Variants in EPB41L1 observed in about 807,000 individuals in gnomAD.
The protein encoded by EPB41L1 is band 4.1-like protein 1.
Under a neutral mutation model 97.8 loss-of-function variants are expected in EPB41L1, and 29 were observed. That is an observed-to-expected ratio of 0.30 (90% CI 0.22 to 0.40). The LOEUF (loss-of-function observed/expected upper bound fraction) is 0.40, where lower values mean the gene tolerates loss of function less well. Among genes scored for constraint, EPB41L1 ranks in the 10% least tolerant of loss-of-function variants. EPB41L1 has a pLI of 1.00. For synonymous variants in EPB41L1, 383 were observed against 459.2 expected, an observed-to-expected ratio of 0.83 and a Z score of 2.12; for missense variants, 812 against 1,162.3, an observed-to-expected ratio of 0.70 and a Z score of 4.38.
intron 2 of EPB41L1, among the ~76,000 whole-genome samples, chr20:36,121,001 C>A (rs957966682): frequency 6.6e-6 from 1 of 151,028 alleles, no homozygotes; most frequent in African/African-American, 2.4e-5. Context: ...TGGGTGTTCA[C>A]GCATGGGGGT....
In EPB41L1 at chr20:36,207,838, C is replaced by T. The variant is rs1484269775; in HGVS notation, c.1669-1650C>T. 1.7e-5 allele frequency: 21 copies of T among 1,244,102 alleles called. No homozygotes were observed. Among genetic ancestry groups the T allele is most frequent in the East Asian group, 5.7e-5 (1 of 17,654 alleles). 77.1% of individuals were successfully genotyped at this position (1,244,102 alleles called of 1,614,324 possible). A position where few individuals can be genotyped will look rare whatever the true frequency, so the allele number is the denominator to read the frequency against. ...CTGCTCCCCGCCCATGGGGGCTGGC[C>T]GCATGCTCTGTAGTTTTTAGAAGCA... On this transcript the variant is annotated intron_variant, in intron 14 of 21. Coordinates refer to ENST00000338074, the MANE Select transcript of EPB41L1 (RefSeq NM_012156.2). This position sits in a 1 kb window ranked among gnomAD's most constrained non-coding sequence, Gnocchi z 4.9.
chr20:36,124,924 G>T (rs1187798605), intron 2 of EPB41L1, among the ~76,000 whole-genome samples: 2 of 152,120 alleles, frequency 1.3e-5, no homozygotes, highest in East Asian at 1.9e-4. Flanking sequence ...TTGCATACAT[G>T]GTGGGTAGGG....
chr20:36,098,644 T>A (rs1457262692), intron 1 of EPB41L1, among the ~76,000 whole-genome samples: 1 of 152,222 alleles, frequency 6.6e-6, no homozygotes, highest in Admixed American at 6.5e-5. Context: ...ACTTGAGTAA[T>A]TGCATCTGCA....
chr20:36,210,194 G>A (rs1372003742), intron 15 of EPB41L1, among the ~76,000 whole-genome samples: 1 of 152,184 alleles, frequency 6.6e-6, no homozygotes, highest in Non-Finnish European at 1.5e-5. Flanking sequence ...GTGTTGCATG[G>A]CACCTGCAGA....
intron 1 of EPB41L1, among the ~76,000 whole-genome samples, chr20:36,108,845 A>G (rs2058288800): frequency 1.3e-5 from 2 of 152,162 alleles, no homozygotes; most frequent in South Asian, 2.1e-4. Context: ...TGGGAGGTCA[A>G]TGAAGGACAG....
At chr20:36,214,469 C>T in intron 17 of EPB41L1, 29 bp downstream of exon 17, 2 of 1,572,596 alleles carry the variant, frequency 1.3e-6, no homozygotes, top group South Asian at 2.2e-5. Flanking sequence ...GCTTCCCTCT[C>T]TGACCAGCCC....
chr20:36,209,112 G>A lies in EPB41L1; in HGVS notation c.1669-376G>A, dbSNP rs528497013. 6.6e-6 allele frequency among the ~76,000 whole-genome samples: 1 copy of A among 152,096 alleles called. No individual in the cohort carries two copies. The highest frequency in any genetic ancestry group is 1.5e-5 in the Non-Finnish European group (1 of 68,024). ...TCTGTTTCTCAACGCCCACCTGCAC[G>A]GATGGGCCTGGGGTCCGGGCTTCCA... On this transcript the variant is annotated intron_variant, in intron 14 of 21. Coordinates refer to ENST00000338074, the MANE Select transcript of EPB41L1 (RefSeq NM_012156.2). The surrounding 1 kb of genome is among the most constrained non-coding windows in gnomAD (Gnocchi z 4.2).
chr20:36,145,663 T>C (rs1274523974), intron 2 of EPB41L1, among the ~76,000 whole-genome samples: 1 of 152,208 alleles, frequency 6.6e-6, no homozygotes, highest in South Asian at 2.1e-4. Flanking sequence ...TCTGACACTA[T>C]CCACCATTGC....
intron 7 of EPB41L1, among the ~76,000 whole-genome samples, chr20:36,187,231 C>T (rs1023981332): frequency 2.0e-5 from 3 of 152,190 alleles, no homozygotes; most frequent in Non-Finnish European, 4.4e-5. Flanking sequence ...AGAATGTGCA[C>T]CTGTTCCTTA....
chr20:36,134,852 CT>C lies in EPB41L1; in HGVS notation c.-10+22397del, dbSNP rs764236552. 6.0e-3 allele frequency among the ~76,000 whole-genome samples: 642 copies of C among 107,638 alleles called. 3 individuals are homozygous for C. Among genetic ancestry groups the C allele is most frequent in the African/African-American group, 0.017 (477 of 27,696 alleles). The allele number at this position is 107,638 out of a possible 152,430, so 70.6% of individuals were successfully genotyped here. A position where few individuals can be genotyped will look rare whatever the true frequency, so the allele number is the denominator to read the frequency against. On this transcript the variant is annotated intron_variant, in intron 2 of 19. Coordinates refer to the EPB41L1 transcript ENST00000202028. ...GAACACTATTTTGTGTTTTCTCTGT[CT>C]TTTTTTTTTTTTTTTTTTTTTTTTG...
Position 36,230,264 on chromosome 20 carries a change from AT to A in EPB41L1, c.*925del, listed in dbSNP as rs2064432290. ...TGCAGCTTGTAGGAGGTTTGTACGG[AT>A]GTGCTTTGAAGTTATGTATATTACA... On this transcript the variant is annotated 3_prime_UTR_variant, in exon 22 of 22. Coordinates refer to ENST00000338074, the MANE Select transcript of EPB41L1 (RefSeq NM_012156.2). 6.6e-6 allele frequency: 1 copy of A among 152,652 alleles called. No homozygotes were observed. 9.5% of individuals were successfully genotyped at this position (152,652 alleles called of 1,614,324 possible).
intron 17 of EPB41L1, 84 bp from the exon 18 acceptor site, chr20:36,218,792 G>C (rs2063592494): frequency 8.0e-7 from 1 of 1,255,374 alleles, no homozygotes; most frequent in African/African-American, 1.5e-5. Context: ...TTGTGGTCGT[G>C]ATAGCTACAT....
chr20:36,117,781 A>G (rs1569046849), intron 2 of EPB41L1, among the ~76,000 whole-genome samples: 1 of 152,188 alleles, frequency 6.6e-6, no homozygotes, highest in African/African-American at 2.4e-5. Flanking sequence ...CCCTCTCTAC[A>G]TCCAGGACTC....
intron 14 of EPB41L1, chr20:36,205,860 T>C (rs1401775051): frequency 7.8e-7 from 1 of 1,288,728 alleles, no homozygotes; most frequent in East Asian, 5.6e-5. Context: ...GTTCAGAGCA[T>C]TGGGTATTTA....
intron 17 of EPB41L1, 100 bp downstream of exon 17, chr20:36,214,540 G>A (rs983554425): frequency 1.0e-6 from 1 of 967,996 alleles, no homozygotes; most frequent in Non-Finnish European, 1.6e-6. Context: ...AGGAAGTTGT[G>A]AGCTGCCCTC....
intron 2 of EPB41L1, among the ~76,000 whole-genome samples, chr20:36,129,551 T>C (rs2059110230): frequency 6.6e-6 from 1 of 152,030 alleles, no homozygotes; most frequent in South Asian, 2.1e-4. Context: ...CAGGCCACCC[T>C]GACCCCAGGC....
rs772631937 is a variant in EPB41L1, at chr20:36,175,722, G to A, written c.342+7G>A. 4 of 1,613,856 alleles carry A rather than the reference G, an allele frequency of 2.5e-6. No homozygotes were observed. The highest frequency in any genetic ancestry group is 3.4e-6 in the Non-Finnish European group (4 of 1,179,988). On this transcript the variant is annotated splice_region_variant and intron_variant, in intron 3 of 21. Coordinates refer to ENST00000338074, the MANE Select transcript of EPB41L1 (RefSeq NM_012156.2). ...GTATGAGTGTGAGGTGGAGGTAGGG[G>A]AGCACTGAGTGCCATATGTCCCGTC...
At chr20:36,218,124 G>A (rs573941876) in intron 17 of EPB41L1, among the ~76,000 whole-genome samples, 10 of 152,282 alleles carry the variant, frequency 6.6e-5, no homozygotes, top group South Asian at 2.1e-4. Flanking sequence ...GCAGAGTGGC[G>A]TGCACAGTGT....
chr20:36,108,170 AG>A (rs1269331158), intron 1 of EPB41L1, among the ~76,000 whole-genome samples: 1 of 151,626 alleles, frequency 6.6e-6, no homozygotes, highest in Non-Finnish European at 1.5e-5. Context: ...TGTAGAGACA[AG>A]GTCTTGCTAT....
Sources: allele counts gnomAD v4.1 joint callset (sites outside exome capture counted in the v4.1 genomes callset), GRCh38; gene constraint gnomAD v4.1.1; non-coding constraint Gnocchi (gnomAD v3.1); transcripts MANE v1.5; gene names NCBI Gene and HGNC (gene_info 2026-07-23, HGNC 2026-07-21).